The following FUT8 variants were observed in gnomAD, a reference collection of about 807,000 sequenced individuals.
FUT8 encodes alpha-(1,6)-fucosyltransferase.
In FUT8, 29 loss-of-function variants were observed where a neutral mutation model predicts 71.3. That is an observed-to-expected ratio of 0.41 (90% CI 0.30 to 0.55). The LOEUF is 0.55. Ranked by LOEUF, FUT8 falls within the 20% of genes least tolerant of loss-of-function variation. The pLI is 0.34. For synonymous variants in FUT8, 254 were observed against 239.3 expected, an observed-to-expected ratio of 1.06 and a Z score of -0.57; for missense variants, 544 against 702.1, an observed-to-expected ratio of 0.77 and a Z score of 2.55.
At chr14:65,725,719 A>G (rs546554127) in intron 9 of FUT8, among the ~76,000 whole-genome samples, 9 of 152,324 alleles carry the variant, frequency 5.9e-5, no homozygotes, top group Non-Finnish European at 7.3e-5. Flanking sequence ...TAAATATTAA[A>G]TGGTATTGAT....
chr14:65,459,590 TAAAG>T (rs1594653684), intron 2 of FUT8, among the ~76,000 whole-genome samples: 1 of 152,094 alleles, frequency 6.6e-6, no homozygotes, highest in Admixed American at 6.5e-5. Context: ...GATCCCAGGA[TAAAG>T]AGAGAGAGAG....
At chr14:65,658,425 A>T (rs953026393) in intron 6 of FUT8, among the ~76,000 whole-genome samples, 2 of 152,150 alleles carry the variant, frequency 1.3e-5, no homozygotes, top group African/African-American at 4.8e-5. Context: ...CAGCAATCAC[A>T]TTCCTGTATA....
At chr14:65,720,625 C>G (rs182812965) in intron 7 of FUT8, among the ~76,000 whole-genome samples, 1 of 152,256 alleles carries the variant, frequency 6.6e-6, no homozygotes, top group Admixed American at 6.5e-5. Context: ...GCTGGTGGCT[C>G]ACTAGGTTAC....
chr14:65,383,265 C>CTT, the FUT8 span, among the ~76,000 whole-genome samples: 33 of 86,532 alleles, frequency 3.8e-4, no homozygotes, highest in Middle Eastern at 8.9e-3. Flanking sequence ...TTTTTCTTTT[C>CTT]TTTTTTTTTT....
intron 2 of FUT8, among the ~76,000 whole-genome samples, chr14:65,519,262 C>T (rs552786689): frequency 1.4e-4 from 21 of 151,980 alleles, no homozygotes; most frequent in South Asian, 4.2e-4. Flanking sequence ...CTACTTAAGT[C>T]GGTTATGGTA....
the FUT8 span, among the ~76,000 whole-genome samples, chr14:65,398,445 T>G: frequency 5.3e-5 from 8 of 152,030 alleles, no homozygotes; most frequent in Non-Finnish European, 1.0e-4. Flanking sequence ...TTAAAAAAAA[T>G]TTTTTTAGGG....
At chr14:65,390,339 T>C in the FUT8 span, among the ~76,000 whole-genome samples, 1 of 140,280 alleles carries the variant, frequency 7.1e-6, no homozygotes. Context: ...AAAAAAAAAA[T>C]ACATGCTTGT....
intron 2 of FUT8, among the ~76,000 whole-genome samples, chr14:65,508,888 T>C (rs1164224517): frequency 6.6e-6 from 1 of 152,190 alleles, no homozygotes; most frequent in African/African-American, 2.4e-5. Context: ...TGTTTGTTTG[T>C]TGCTTGTTTA....
chr14:65,502,671 A>G (rs571632604), intron 2 of FUT8, among the ~76,000 whole-genome samples: 8 of 152,348 alleles, frequency 5.3e-5, no homozygotes, highest in African/African-American at 1.9e-4. Context: ...GGTAAAAGTA[A>G]TGATGTTACC....
chr14:65,476,176 C>A (rs2066236017), intron 2 of FUT8, among the ~76,000 whole-genome samples: 1 of 152,194 alleles, frequency 6.6e-6, no homozygotes, highest in Non-Finnish European at 1.5e-5. Context: ...CTTTTTCCCT[C>A]TCCCAGCTGC....
At chr14:65,665,184 C>G (rs545937347) in intron 6 of FUT8, among the ~76,000 whole-genome samples, 15 of 152,070 alleles carry the variant, frequency 9.9e-5, no homozygotes, top group African/African-American at 3.6e-4. Flanking sequence ...TACTCAGTGG[C>G]TTTTACTTCA....
At chr14:65,640,189 G>A (rs1243407942) in intron 6 of FUT8, among the ~76,000 whole-genome samples, 1 of 151,030 alleles carries the variant, frequency 6.6e-6, no homozygotes, top group Non-Finnish European at 1.5e-5. Context: ...TTAGAAGAAT[G>A]CAAAAACTAA....
intron 3 of FUT8, among the ~76,000 whole-genome samples, chr14:65,576,872 G>A (rs556858629): frequency 2.0e-5 from 3 of 151,576 alleles, no homozygotes; most frequent in South Asian, 2.1e-4. Context: ...GGCACGCGTC[G>A]CCATGCCCAG....
chr14:65,708,341 C>T (rs1416604272), intron 7 of FUT8, among the ~76,000 whole-genome samples: 2 of 152,212 alleles, frequency 1.3e-5, no homozygotes, highest in African/African-American at 4.8e-5. Flanking sequence ...CCCAGCCATG[C>T]TGAACTGTGA....
At chr14:65,452,812 T>A (rs916380471) in intron 1 of FUT8, among the ~76,000 whole-genome samples, 1 of 152,234 alleles carries the variant, frequency 6.6e-6, no homozygotes, top group Admixed American at 6.5e-5. Context: ...GTATGTCAGG[T>A]AGAGGACTTC....
At chr14:65,611,292 CA>C (rs1888975117) in intron 3 of FUT8, among the ~76,000 whole-genome samples, 4 of 46,220 alleles carry the variant, frequency 8.7e-5, no homozygotes, top group East Asian at 1.0e-3. Flanking sequence ...CACACACACA[CA>C]CACACACACC....
rs73268575 is a variant in FUT8, at chr14:65,684,406, C to A, written c.835+14926C>A. Among the ~76,000 whole-genome samples, 1,422 of 152,272 alleles carry A rather than the reference C, an allele frequency of 9.3e-3. 22 individuals carry two copies. The highest frequency in any genetic ancestry group is 0.033 in the African/African-American group (1,355 of 41,544). On this transcript the variant is annotated intron_variant, in intron 7 of 10. Transcript: ENST00000673929. ...GATGACGAAAAGGGAAGAAGGAATTCTTCTCAAAAGATTTGAATGTAGTCT... is the reference window on the plus strand; with the variant it reads ...GATGACGAAAAGGGAAGAAGGAATTATTCTCAAAAGATTTGAATGTAGTCT...
chr14:65,409,404 C>A (rs1022408039), upstream of FUT8, among the ~76,000 whole-genome samples: 17 of 152,166 alleles, frequency 1.1e-4, no homozygotes, highest in Non-Finnish European at 2.2e-4. The surrounding 1 kb of genome is among the most constrained non-coding windows in gnomAD (Gnocchi z 5.4). Context: ...GATCTCCCCA[C>A]CGTAATAACA....
At chr14:65,474,771 A>AAAAT (rs1398873015) in intron 2 of FUT8, among the ~76,000 whole-genome samples, 2 of 152,218 alleles carry the variant, frequency 1.3e-5, no homozygotes, top group Non-Finnish European at 2.9e-5. Flanking sequence ...CTGAGAGAAG[A>AAAAT]AAATACTACA....
Sources: allele counts gnomAD v4.1 joint callset (sites outside exome capture counted in the v4.1 genomes callset), GRCh38; gene constraint gnomAD v4.1.1; non-coding constraint Gnocchi (gnomAD v3.1); transcripts MANE v1.5; gene names NCBI Gene and HGNC (gene_info 2026-07-23, HGNC 2026-07-21).